The following KCNMA1 variants were observed in gnomAD, a reference collection of about 807,000 sequenced individuals.
KCNMA1 encodes Calcium-activated potassium channel subunit alpha-1.
In KCNMA1, 29 loss-of-function variants were observed where a neutral mutation model predicts 140.0. That is an observed-to-expected ratio of 0.21 (90% CI 0.15 to 0.28). The LOEUF (loss-of-function observed/expected upper bound fraction) is 0.28. KCNMA1 is among the 10% of genes least tolerant of loss of function. The pLI is 1.00. For synonymous variants in KCNMA1, 612 were observed against 611.9 expected (o/e 1.00, Z 0.00); for missense variants, 880 against 1,602.2 (o/e 0.55, Z 7.70).
At chr10:76,961,200 T>C (rs1448250138) in intron 20 of KCNMA1, among the ~76,000 whole-genome samples, 7 of 151,074 alleles carry the variant, frequency 4.6e-5, no homozygotes, top group Non-Finnish European at 7.4e-5. Flanking sequence ...GGTGAAAATA[T>C]CAACAGGAGT....
chr10:77,057,152 G>A (rs1050157806), intron 14 of KCNMA1, among the ~76,000 whole-genome samples: 1 of 151,986 alleles, frequency 6.6e-6, no homozygotes, highest in Non-Finnish European at 1.5e-5. Context: ...GAAAACTAAA[G>A]ACAAAGAGAA....
intron 20 of KCNMA1, among the ~76,000 whole-genome samples, chr10:76,960,543 A>G (rs2070755650): frequency 7.0e-6 from 1 of 142,946 alleles, no homozygotes; most frequent in Non-Finnish European, 1.6e-5. Context: ...TGTCTAAAAA[A>G]AAAAGAAGAA....
intron 9 of KCNMA1, among the ~76,000 whole-genome samples, chr10:77,097,870 G>C (rs2096975629): frequency 6.6e-6 from 1 of 152,192 alleles, no homozygotes; most frequent in Non-Finnish European, 1.5e-5. Context: ...GATGTGGCAG[G>C]CTGTGCTGCT....
chr10:77,223,135 A>G (rs1264301469), intron 3 of KCNMA1, among the ~76,000 whole-genome samples: 4 of 152,062 alleles, frequency 2.6e-5, no homozygotes, highest in Non-Finnish European at 5.9e-5. Context: ...AGGCTGAGGC[A>G]GGAGAATTGC....
At chr10:76,948,002 GTTTTGT>G (rs1565117981) in intron 22 of KCNMA1, among the ~76,000 whole-genome samples, 5 of 19,006 alleles carry the variant, frequency 2.6e-4, no homozygotes, top group South Asian at 6.0e-3. Flanking sequence ...GTTGTTTCTT[GTTTTGT>G]TTTTGTTTTT....
intron 2 of KCNMA1, among the ~76,000 whole-genome samples, chr10:77,398,276 A>C (rs574121630): frequency 1.3e-5 from 2 of 152,106 alleles, no homozygotes; most frequent in Non-Finnish European, 2.9e-5. Flanking sequence ...TCTTTGAGAA[A>C]TTTCTGTGCT....
chr10:77,347,728 C>A (rs929751519), intron 2 of KCNMA1, among the ~76,000 whole-genome samples: 3 of 152,134 alleles, frequency 2.0e-5, no homozygotes, highest in Non-Finnish European at 4.4e-5. Flanking sequence ...CTACCCCATG[C>A]TCTATGACAT....
In KCNMA1 at chr10:77,108,598, G is replaced by T; in HGVS notation, c.1132-26C>A. 1 of 1,568,308 alleles carries T rather than the reference G, an allele frequency of 6.4e-7. No individual in the cohort carries two copies. The highest frequency in any genetic ancestry group is 8.8e-7 in the Non-Finnish European group (1 of 1,140,116). ...CTGAGAAGATAGGAGACAGAAGAGA[G>T]ACTAAAAAGACAGGCCAAAGAAAAG... is the stretch of plus-strand genomic sequence containing the variant. On this transcript the variant is annotated intron_variant, in intron 8 of 27. Transcript: ENST00000286628. This position sits in a 1 kb window ranked among gnomAD's most constrained non-coding sequence, Gnocchi z 4.6.
intron 16 of KCNMA1, among the ~76,000 whole-genome samples, chr10:77,024,610 A>C (rs1487094896): frequency 6.6e-6 from 1 of 152,162 alleles, no homozygotes; most frequent in Non-Finnish European, 1.5e-5. Flanking sequence ...TGCTTCATGC[A>C]ATGTAAAACA....
chr10:77,515,210 G>A (rs1022192672), intron 1 of KCNMA1, among the ~76,000 whole-genome samples: 1 of 152,152 alleles, frequency 6.6e-6, no homozygotes, highest in African/African-American at 2.4e-5. Context: ...AGCACCGGGG[G>A]ATGGGGGGGA....
intron 2 of KCNMA1, among the ~76,000 whole-genome samples, chr10:77,341,708 C>T (rs1031325451): frequency 3.3e-5 from 5 of 152,180 alleles, no homozygotes; most frequent in Admixed American, 6.5e-5. Context: ...GAGAGAGGGG[C>T]CTGCTGCCCT....
At chr10:77,434,246 T>G (rs939552384) in intron 1 of KCNMA1, among the ~76,000 whole-genome samples, 1 of 152,206 alleles carries the variant, frequency 6.6e-6, no homozygotes, top group African/African-American at 2.4e-5. Flanking sequence ...TAGGCTATTT[T>G]CTCTGTAGAA....
At chr10:76,957,856 C>G (rs1342013579) in intron 20 of KCNMA1, among the ~76,000 whole-genome samples, 2 of 152,200 alleles carry the variant, frequency 1.3e-5, no homozygotes, top group African/African-American at 4.8e-5. Flanking sequence ...TGGGAGTAAG[C>G]TGGGAACACA....
intron 22 of KCNMA1, among the ~76,000 whole-genome samples, chr10:76,946,188 C>T (rs2063898931): frequency 6.6e-6 from 1 of 152,202 alleles, no homozygotes; most frequent in Non-Finnish European, 1.5e-5. Context: ...CCTCCACATG[C>T]TCTGTGTCTT....
chr10:76,892,934 A>G (rs1206994085), intron 25 of KCNMA1, among the ~76,000 whole-genome samples: 1 of 152,230 alleles, frequency 6.6e-6, no homozygotes, highest in Admixed American at 6.5e-5. Context: ...CAAAATTCCA[A>G]CTGCAAAAGA....
At chr10:77,465,879 C>T (rs958273865) in intron 1 of KCNMA1, among the ~76,000 whole-genome samples, 5 of 152,174 alleles carry the variant, frequency 3.3e-5, no homozygotes, top group South Asian at 4.1e-4. Context: ...TGACGCTTCC[C>T]GGGGCTGGGC....
intron 19 of KCNMA1, among the ~76,000 whole-genome samples, chr10:76,991,344 T>C (rs757472444): frequency 6.6e-6 from 1 of 152,250 alleles, no homozygotes; most frequent in Non-Finnish European, 1.5e-5. Flanking sequence ...TGTGGTTTTT[T>C]CTGGTACTTT....
chr10:77,182,968 A>G (rs2098814862), intron 5 of KCNMA1, among the ~76,000 whole-genome samples: 1 of 152,116 alleles, frequency 6.6e-6, no homozygotes, highest in African/African-American at 2.4e-5. Flanking sequence ...CTGCCCTACA[A>G]AGAACCTTGT....
chr10:77,221,823 G>A (rs1350588318), intron 3 of KCNMA1, among the ~76,000 whole-genome samples: 1 of 152,114 alleles, frequency 6.6e-6, no homozygotes, highest in Non-Finnish European at 1.5e-5. Flanking sequence ...AGCATTAAAG[G>A]ACTAGACTGT....
Sources: allele counts gnomAD v4.1 joint callset (sites outside exome capture counted in the v4.1 genomes callset), GRCh38; gene constraint gnomAD v4.1.1; non-coding constraint Gnocchi (gnomAD v3.1); transcripts MANE v1.5; gene names NCBI Gene and HGNC (gene_info 2026-07-23, HGNC 2026-07-21).